Variants in EPB41L5 observed in about 807,000 individuals in gnomAD.
The protein encoded by EPB41L5 is band 4.1-like protein 5.
A neutral mutation model predicts 106.6 loss-of-function variants in EPB41L5; 55 were observed. The ratio of observed to expected loss-of-function variants is 0.52; its 90% CI spans 0.42 to 0.65. The LOEUF (loss-of-function observed/expected upper bound fraction) is 0.65, where lower values mean the gene tolerates loss of function less well. Ranked by LOEUF, EPB41L5 falls within the 30% of genes least tolerant of loss-of-function variation. The pLI is 0.00. For synonymous variants in EPB41L5, 297 were observed against 306.7 expected (o/e 0.97, Z 0.33); for missense variants, 871 against 882.1 (o/e 0.99, Z 0.16).
At position 120,070,897 on chromosome 2, in the gene EPB41L5, A is replaced by G. The variant is rs547020481; in HGVS notation, c.286-2281A>G. On this transcript the variant is annotated intron_variant, in intron 3 of 24. Coordinates refer to ENST00000263713, the MANE Select transcript of EPB41L5 (RefSeq NM_020909.4). Reference sequence around the variant, plus strand: ...GCCAATATCATACTGAATGGGCAAAAGCTGGAAGCATTCCCTTTGAATACT... The same window carrying G: ...GCCAATATCATACTGAATGGGCAAAGGCTGGAAGCATTCCCTTTGAATACT... Among the ~76,000 whole-genome samples, 12 of 152,352 alleles carry G rather than the reference A, an allele frequency of 7.9e-5. No individual in the cohort carries two copies. The East Asian group carries it at 1.5e-3, about 20-fold the overall frequency.
intron 17 of EPB41L5, among the ~76,000 whole-genome samples, chr2:120,130,159 A>G (rs1408102758): frequency 6.6e-6 from 1 of 151,870 alleles, no homozygotes; most frequent in Non-Finnish European, 1.5e-5. Context: ...AAAAAAAAAA[A>G]AAGGGTTCCT....
At chr2:120,013,486 T>G (rs1045770893) in intron 1 of EPB41L5, 5 of 150,824 alleles carry the variant, frequency 3.3e-5, no homozygotes, top group African/African-American at 1.2e-4. Context: ...GGCAGCCGGG[T>G]TAATGTTTGC....
intron 18 of EPB41L5, 91 bp downstream of exon 18, chr2:120,131,806 T>C (rs1172750066): frequency 2.1e-6 from 2 of 942,384 alleles, no homozygotes; most frequent in African/African-American, 1.6e-5. Flanking sequence ...CTTTTTTCTT[T>C]AGCTGGGAAA....
rs1273136377 is a variant in EPB41L5 at position 120,077,222 on chromosome 2, A to G, written c.627-7A>G. The G allele has an allele frequency of 6.2e-7, 1 of 1,602,014 alleles. No individual in the cohort carries two copies. The highest frequency in any genetic ancestry group is 1.3e-5 in the African/African-American group (1 of 74,298). ...GTTACTTTAAAAATCATTGTTTTAA[A>G]TTTCAGAGGTCAAACACCAGCACAG... On this transcript the variant is annotated splice_region_variant and splice_polypyrimidine_tract_variant and intron_variant, in intron 8 of 24. Transcript: ENST00000263713.
chr2:120,143,071 G>T lies in EPB41L5; in HGVS notation c.1668G>T (p.Met556Ile). The change falls in exon 19 of 25, where the codon ATG becomes ATT. Residue 556 changes from methionine to isoleucine, a missense_variant. Coordinates refer to ENST00000263713, the MANE Select transcript of EPB41L5 (RefSeq NM_020909.4). ...TTGAGAGCCCAGGATTGAATGTCAT[G>T]AGAGTTCCTCCTGACTTCAAGAGTA... ...NVIESPGLNV[M>I]RVPPDFKSNI... is the part of the protein sequence containing the mutation. 1.2e-6 allele frequency: 2 copies of T among 1,612,098 alleles called. No individual in the cohort carries two copies. The highest frequency in any genetic ancestry group is 3.3e-4 in the Middle Eastern group (2 of 6,042).
At chr2:120,163,613 T>TTCA (rs1687241314) in intron 21 of EPB41L5, among the ~76,000 whole-genome samples, 1 of 151,028 alleles carries the variant, frequency 6.6e-6, no homozygotes, top group Non-Finnish European at 1.5e-5. Flanking sequence ...TTTTTTTAAG[T>TTCA]TCAAAGTATG....
At chr2:120,057,299 G>A (rs540792238) in intron 3 of EPB41L5, among the ~76,000 whole-genome samples, 5 of 152,272 alleles carry the variant, frequency 3.3e-5, no homozygotes, top group African/African-American at 1.2e-4. Context: ...AGAATATATG[G>A]TCATCGTTGT....
chr2:120,117,196 C>T (rs928123325), intron 16 of EPB41L5, among the ~76,000 whole-genome samples: 8 of 152,128 alleles, frequency 5.3e-5, no homozygotes, highest in Admixed American at 4.6e-4. Flanking sequence ...AGTGAGTTGC[C>T]AGGGTTCATT....
intron 18 of EPB41L5, among the ~76,000 whole-genome samples, chr2:120,133,589 C>T (rs973818669): frequency 6.6e-6 from 1 of 152,186 alleles, no homozygotes; most frequent in Non-Finnish European, 1.5e-5. Context: ...AAGAATCTTC[C>T]ATCCTAGCAA....
intron 18 of EPB41L5, among the ~76,000 whole-genome samples, chr2:120,134,672 G>C (rs553420779): frequency 6.6e-6 from 1 of 152,176 alleles, no homozygotes; most frequent in African/African-American, 2.4e-5. Context: ...AATTCTCCCG[G>C]ATCTTACCCA....
At chr2:120,158,092 G>T (rs983113755) in intron 20 of EPB41L5, among the ~76,000 whole-genome samples, 3 of 152,088 alleles carry the variant, frequency 2.0e-5, no homozygotes, top group Non-Finnish European at 4.4e-5. Flanking sequence ...CTCCAAAATT[G>T]AATCAGTAGT....
chr2:120,153,528 T>C (rs1253120280), intron 20 of EPB41L5, among the ~76,000 whole-genome samples: 2 of 152,198 alleles, frequency 1.3e-5, no homozygotes, highest in Admixed American at 6.5e-5. Context: ...TGTTTAATTC[T>C]ATTTCCTTAT....
chr2:120,082,951 T>C (rs1040005854), intron 10 of EPB41L5, among the ~76,000 whole-genome samples: 2 of 152,172 alleles, frequency 1.3e-5, no homozygotes, highest in Non-Finnish European at 2.9e-5. Flanking sequence ...GGTGGTAATA[T>C]CCCCTTTATC....
intron 16 of EPB41L5, chr2:120,103,968 C>T (rs1684295971): frequency 7.2e-7 from 1 of 1,390,050 alleles, no homozygotes; most frequent in Admixed American, 2.9e-5. Context: ...ATGCTAGTCA[C>T]ATTACCTTTC....
At chr2:120,120,672 C>G (rs769387648) in intron 16 of EPB41L5, among the ~76,000 whole-genome samples, 1 of 151,778 alleles carries the variant, frequency 6.6e-6, no homozygotes, top group Non-Finnish European at 1.5e-5. Context: ...CACCTGGAAG[C>G]TCAAAAAAAC....
At chr2:120,022,887 A>G (rs1678033487) in intron 2 of EPB41L5, among the ~76,000 whole-genome samples, 1 of 152,142 alleles carries the variant, frequency 6.6e-6, no homozygotes, top group Non-Finnish European at 1.5e-5. Flanking sequence ...CTGGCATGAG[A>G]TGGTATCTCA....
intron 20 of EPB41L5, among the ~76,000 whole-genome samples, chr2:120,152,110 G>T (rs1260995935): frequency 1.3e-5 from 2 of 152,180 alleles, no homozygotes; most frequent in Non-Finnish European, 2.9e-5. Flanking sequence ...TCCTGAAAGG[G>T]ATAAAGGGAA....
At chr2:120,023,595 A>G (rs1211508006) in intron 2 of EPB41L5, among the ~76,000 whole-genome samples, 2 of 152,178 alleles carry the variant, frequency 1.3e-5, no homozygotes, top group Non-Finnish European at 2.9e-5. Context: ...GCCTTATAGT[A>G]TAGTTTGAAG....
At chr2:120,047,649 T>G (rs1679891178) in intron 3 of EPB41L5, among the ~76,000 whole-genome samples, 1 of 152,166 alleles carries the variant, frequency 6.6e-6, no homozygotes, top group Non-Finnish European at 1.5e-5. Flanking sequence ...TGAATAGCCT[T>G]TATTTCTTTC....
Sources: allele counts gnomAD v4.1 joint callset (sites outside exome capture counted in the v4.1 genomes callset), GRCh38; gene constraint gnomAD v4.1.1; transcripts MANE v1.5; gene names NCBI Gene and HGNC (gene_info 2026-07-23, HGNC 2026-07-21).